The following TNKS2 variants were observed in gnomAD, a reference collection of about 807,000 sequenced individuals.
The protein encoded by TNKS2 is poly [ADP-ribose] polymerase tankyrase-2.
In TNKS2, 72 loss-of-function variants were observed where a neutral mutation model predicts 137.6. The ratio of observed to expected loss-of-function variants is 0.52; its 90% confidence interval spans 0.43 to 0.64. The LOEUF is 0.64. Among genes scored for constraint, TNKS2 ranks in the 30% least tolerant of loss-of-function variants. The pLI is 0.00. For synonymous variants in TNKS2, 516 were observed against 512.1 expected (o/e 1.01, Z -0.10); for missense variants, 1,049 against 1,410.2 (o/e 0.74, Z 4.10).
chr10:91,811,904 C>CAA (rs1844520392), intron 1 of TNKS2, among the ~76,000 whole-genome samples: 1 of 151,964 alleles, frequency 6.6e-6, no homozygotes, highest in African/African-American at 2.4e-5. Flanking sequence ...CTAAAAAATA[C>CAA]AAAAAATTAG....
At chr10:91,822,628 C>G (rs1198191015) in intron 7 of TNKS2, among the ~76,000 whole-genome samples, 1 of 150,774 alleles carries the variant, frequency 6.6e-6, no homozygotes, top group Non-Finnish European at 1.5e-5. Flanking sequence ...TGCAGTGGTG[C>G]AATCTTGGCT....
At chr10:91,839,425 G>A (rs191545668) in intron 13 of TNKS2, among the ~76,000 whole-genome samples, 1 of 151,220 alleles carries the variant, frequency 6.6e-6, no homozygotes, top group Non-Finnish European at 1.5e-5. Flanking sequence ...TCACTGCAAC[G>A]TCTGCCTCCC....
chr10:91,840,891 A>G (rs1475799103), intron 14 of TNKS2, among the ~76,000 whole-genome samples, 185 bp downstream of exon 14: 1 of 152,230 alleles, frequency 6.6e-6, no homozygotes. Context: ...TAAAGACTTT[A>G]TTGGCATAAT....
intron 1 of TNKS2, among the ~76,000 whole-genome samples, chr10:91,801,629 A>C (rs1303357252): frequency 2.6e-5 from 4 of 151,912 alleles, no homozygotes; most frequent in African/African-American, 4.8e-5. Flanking sequence ...GCGCACTGCC[A>C]CGCCCGGCAA....
At chr10:91,817,278 T>C in intron 3 of TNKS2, 49 bp downstream of exon 3, 2 of 1,425,202 alleles carry the variant, frequency 1.4e-6, no homozygotes, top group Non-Finnish European at 1.9e-6. Context: ...AAGAACAACC[T>C]TGCCAGGTAG....
chr10:91,841,358 A>G lies in TNKS2; in HGVS notation c.1749A>G (p.Ala583=). 1 of 1,610,144 alleles carries G rather than the reference A, an allele frequency of 6.2e-7. No individual in the cohort carries two copies. Among genetic ancestry groups the G allele is most frequent in the Middle Eastern group, 1.7e-4 (1 of 6,032 alleles). The part of the protein sequence containing the change: ...EVAELLVKHG[A]VVNVADLWKF... ...CAGAACTTCTTGTTAAACATGGAGC[A>G]GTAGTTAATGTAGCTGATTTATGGA... Residue 583 remains alanine (A), a synonymous_variant, in exon 15 of 27, where the codon GCA becomes GCG. Transcript: ENST00000371627.
At position 91,848,538 on chromosome 10, in the gene TNKS2, C is replaced by G. The variant is rs1033399535; in HGVS notation, c.2514C>G (p.Ala838=). The G allele has an allele frequency of 5.0e-6, 8 of 1,614,012 alleles. No homozygotes were observed. Among genetic ancestry groups the G allele is most frequent in the Non-Finnish European group, 5.9e-6 (7 of 1,180,034 alleles). Residue 838 remains alanine (A), a synonymous_variant, in exon 19 of 27, where the codon GCC becomes GCG. Transcript: ENST00000371627. ...CTAGCCCATCAAGCCTTTCTGCAGC[C>G]AGCAGTCTTGACAACTTATCTGGGA... is the stretch of plus-strand genomic sequence containing the variant. ...GPSSPSSLSA[A]SSLDNLSGSF... is the part of the protein sequence containing the mutation.
intron 22 of TNKS2, 40 bp downstream of exon 22, chr10:91,855,166 A>T (rs755802793): frequency 1.6e-6 from 2 of 1,226,418 alleles, no homozygotes; most frequent in Non-Finnish European, 2.4e-6. Flanking sequence ...TGCCGTATAT[A>T]TTTAGTTCAC....
intron 21 of TNKS2, among the ~76,000 whole-genome samples, chr10:91,852,785 C>T (rs185611868): frequency 3.7e-4 from 56 of 152,254 alleles, no homozygotes; most frequent in South Asian, 2.1e-3. Context: ...GAAATAAGAG[C>T]ACCTCTAAAA....
chr10:91,855,817 G>T, intron 23 of TNKS2, 129 bp downstream of exon 23: 1 of 580,644 alleles, frequency 1.7e-6, no homozygotes, highest in Middle Eastern at 4.3e-4. Context: ...AGACTATTTT[G>T]GGAAAGAGGA....
chr10:91,811,082 G>A (rs569139459), intron 1 of TNKS2, among the ~76,000 whole-genome samples: 3 of 150,718 alleles, frequency 2.0e-5, no homozygotes, highest in South Asian at 2.1e-4. Context: ...GCGCCACCAC[G>A]CCCAGCTAAT....
chr10:91,861,227 A>T (rs188631064), intron 25 of TNKS2, among the ~76,000 whole-genome samples: 2 of 152,292 alleles, frequency 1.3e-5, no homozygotes, highest in Admixed American at 1.3e-4. Context: ...GGTAAAATAG[A>T]TAACATTCCA....
intron 1 of TNKS2, chr10:91,807,309 T>G (rs913133881): frequency 6.2e-7 from 1 of 1,613,924 alleles, no homozygotes; most frequent in Non-Finnish European, 8.5e-7. Context: ...AACTAAATCA[T>G]CTGTTACTTT....
chr10:91,825,188 A>G (rs894370771), intron 7 of TNKS2, among the ~76,000 whole-genome samples: 8 of 151,942 alleles, frequency 5.3e-5, no homozygotes, highest in African/African-American at 1.9e-4. Context: ...TGCAGCCGCA[A>G]CCTTCCCGGG....
Position 91,844,913 on chromosome 10 carries a change from A to C in TNKS2, c.2060-6A>C, listed in dbSNP as rs553555604. 5.7e-6 allele frequency: 9 copies of C among 1,591,256 alleles called. No homozygotes were observed. In the Admixed American group the frequency reaches 1.4e-4, roughly 25 times the overall value. ...GTAAAGTAATTTTACTTCTTTTCTA[A>C]ATTAGCTGGTTATAATAATTTAGAA... On this transcript the variant is annotated splice_region_variant and splice_polypyrimidine_tract_variant and intron_variant, in intron 16 of 26. Coordinates refer to ENST00000371627, the MANE Select transcript of TNKS2 (RefSeq NM_025235.4).
intron 1 of TNKS2, among the ~76,000 whole-genome samples, chr10:91,810,915 C>CTTTT (rs1564604368): frequency 9.8e-4 from 75 of 76,628 alleles, no homozygotes; most frequent in African/African-American, 3.0e-3. Context: ...TCTCTCTTTT[C>CTTTT]TTTTCTTTTT....
At chr10:91,807,499 A>G (rs1235353885) in intron 1 of TNKS2, 1 of 1,497,002 alleles carries the variant, frequency 6.7e-7, no homozygotes, top group African/African-American at 1.4e-5. Flanking sequence ...CCAACAAACT[A>G]CCTACGTCCG....
chr10:91,799,483 G>A (rs954947137), intron 1 of TNKS2, among the ~76,000 whole-genome samples: 5 of 152,148 alleles, frequency 3.3e-5, no homozygotes, highest in Non-Finnish European at 7.4e-5. Flanking sequence ...CTTAGGCTGG[G>A]TGCGGGAAGC....
chr10:91,840,578 G>C lies in TNKS2; in HGVS notation c.1545G>C (p.Gln515His), dbSNP rs763560451. The C allele has an allele frequency of 1.9e-6, 3 of 1,614,064 alleles. No homozygotes were observed. Among genetic ancestry groups the C allele is most frequent in the East Asian group, 2.2e-5 (1 of 44,864 alleles). The change falls in exon 14 of 27, where the codon CAG (glutamine) becomes CAC (histidine). Residue 515 changes from glutamine (Q) to histidine (H), a missense_variant. By Grantham distance (24) the Gln-to-His change is conservative (BLOSUM62 0). Transcript: ENST00000371627. ...TCCTTCAGAAACTGTGTACTGTTCA[G>C]AGTGTCAACTGCAGAGACATTGAAG... ...VETVKKLCTV[Q>H]SVNCRDIEGR...
Sources: gnomAD v4.1 joint callset for allele counts (sites outside exome capture counted in the v4.1 genomes callset) on GRCh38, gnomAD v4.1.1 for gene constraint, MANE v1.5 for transcripts, NCBI Gene and HGNC (gene_info 2026-07-23, HGNC 2026-07-21) for gene names.